The following DLG2 variants were observed in gnomAD, a reference collection of about 807,000 sequenced individuals.
DLG2 encodes the protein discs large MAGUK scaffold protein 2, also known as disks large homolog 2.
A neutral mutation model predicts 132.5 loss-of-function variants in DLG2; 45 were observed. The observed-to-expected ratio is 0.34, with a 90% CI of 0.27 to 0.44. The LOEUF (loss-of-function observed/expected upper bound fraction) is 0.44. Among genes scored for constraint, DLG2 ranks in the 20% least tolerant of loss-of-function variants. The pLI, the probability that DLG2 is intolerant of heterozygous loss-of-function variation, is 1.00. For missense variants in DLG2, 1,045 were observed against 1,196.9 expected (o/e 0.87, Z 1.87); for synonymous variants, 424 against 419.6 (o/e 1.01, Z -0.13).
At chr11:84,974,730 C>T (rs150696070) in intron 6 of DLG2, among the ~76,000 whole-genome samples, 183 of 152,326 alleles carry the variant, frequency 1.2e-3, no homozygotes, top group African/African-American at 4.2e-3. Context: ...GAAATACACT[C>T]TCCAGTCCCA....
chr11:85,424,513 T>G (rs76048033), intron 3 of DLG2, among the ~76,000 whole-genome samples: 1 of 152,168 alleles, frequency 6.6e-6, no homozygotes, highest in Non-Finnish European at 1.5e-5. Flanking sequence ...CCTACTGATA[T>G]CCAGTTAGCA....
intron 9 of DLG2, among the ~76,000 whole-genome samples, chr11:84,115,616 T>C (rs1039483261): frequency 6.6e-6 from 1 of 152,230 alleles, no homozygotes; most frequent in Non-Finnish European, 1.5e-5. Flanking sequence ...AGTTTATTTC[T>C]ATCTTGGAGA....
chr11:85,462,401 C>T (rs1436091963), intron 3 of DLG2, among the ~76,000 whole-genome samples: 2 of 152,168 alleles, frequency 1.3e-5, no homozygotes, highest in African/African-American at 4.8e-5. Flanking sequence ...GGAACCAACC[C>T]ATATGTCCGA....
At chr11:84,129,555 T>C (rs1021296661) in intron 9 of DLG2, among the ~76,000 whole-genome samples, 12 of 152,118 alleles carry the variant, frequency 7.9e-5, no homozygotes, top group African/African-American at 2.9e-4. Flanking sequence ...CCTGTCATCT[T>C]GCCTCAAAAC....
At chr11:85,587,861 G>C (rs542492171) in intron 3 of DLG2, among the ~76,000 whole-genome samples, 1 of 152,076 alleles carries the variant, frequency 6.6e-6, no homozygotes, top group African/African-American at 2.4e-5. Flanking sequence ...TTTAGATCTC[G>C]TTTTAGCATT....
At chr11:83,539,982 C>T (rs943792915) in intron 20 of DLG2, among the ~76,000 whole-genome samples, 2 of 152,114 alleles carry the variant, frequency 1.3e-5, no homozygotes, top group Non-Finnish European at 2.9e-5. Flanking sequence ...TATAGTTCAA[C>T]CCCTGTATCC....
At chr11:83,525,365 A>G (rs991109305) in intron 21 of DLG2, among the ~76,000 whole-genome samples, 3 of 152,198 alleles carry the variant, frequency 2.0e-5, no homozygotes, top group African/African-American at 7.2e-5. Context: ...TGATTATCAC[A>G]TTCAAAAGAA....
chr11:85,587,858 C>A (rs2079069350), intron 3 of DLG2, among the ~76,000 whole-genome samples: 2 of 152,120 alleles, frequency 1.3e-5, no homozygotes, highest in South Asian at 4.1e-4. Context: ...GGATTTAGAT[C>A]TCGTTTTAGC....
At chr11:85,208,515 C>A (rs901211320) in intron 4 of DLG2, among the ~76,000 whole-genome samples, 2 of 151,976 alleles carry the variant, frequency 1.3e-5, no homozygotes, top group Non-Finnish European at 2.9e-5. Context: ...TGTAACTAAG[C>A]ATTTTAGAAC....
chr11:84,918,861 T>A (rs2092623264), intron 6 of DLG2, among the ~76,000 whole-genome samples: 1 of 152,096 alleles, frequency 6.6e-6, no homozygotes, highest in Admixed American at 6.5e-5. Context: ...GCTGAGTGAA[T>A]AAAAAAGAAA....
At chr11:83,528,625 G>C (rs1418904704) in intron 21 of DLG2, among the ~76,000 whole-genome samples, 2 of 152,112 alleles carry the variant, frequency 1.3e-5, no homozygotes, top group African/African-American at 2.4e-5. Flanking sequence ...ATCATGTATA[G>C]TGTAGAGTAA....
chr11:83,929,218 C>T (rs1267445943), intron 15 of DLG2, among the ~76,000 whole-genome samples: 1 of 152,116 alleles, frequency 6.6e-6, no homozygotes, highest in Non-Finnish European at 1.5e-5. Context: ...CTTATTCTTT[C>T]AAAGTATCAA....
chr11:84,471,469 T>G (rs117244361), intron 7 of DLG2, among the ~76,000 whole-genome samples: 1,994 of 151,970 alleles, frequency 0.013, 26 homozygotes, highest in South Asian at 0.038. Context: ...GGGTTCTTTC[T>G]GTTCTGGTCT....
chr11:84,575,079 G>A (rs1238226468), intron 6 of DLG2, among the ~76,000 whole-genome samples: 1 of 152,092 alleles, frequency 6.6e-6, no homozygotes, highest in African/African-American at 2.4e-5. Context: ...CTCTAAGCTG[G>A]ATTCCTTTAA....
chr11:83,661,288 T>C (rs945425003), intron 18 of DLG2, among the ~76,000 whole-genome samples: 1 of 152,172 alleles, frequency 6.6e-6, no homozygotes, highest in African/African-American at 2.4e-5. Context: ...GAGAATATAA[T>C]TATTATTCAG....
At chr11:84,251,348 T>C in intron 7 of DLG2, 57 bp from the exon 8 acceptor site, 4 of 1,296,276 alleles carry the variant, frequency 3.1e-6, no homozygotes, top group Non-Finnish European at 4.2e-6. Context: ...TGAGACAGAT[T>C]ATTTCTGTTA....
chr11:85,115,559 G>A (rs1286530298), intron 5 of DLG2, among the ~76,000 whole-genome samples: 1 of 151,910 alleles, frequency 6.6e-6, no homozygotes, highest in Admixed American at 6.6e-5. Context: ...CATTCTTGGG[G>A]CAGGAGTAAG....
chr11:83,994,816 T>C (rs1422144142), intron 11 of DLG2, among the ~76,000 whole-genome samples: 1 of 152,084 alleles, frequency 6.6e-6, no homozygotes, highest in Non-Finnish European at 1.5e-5. Flanking sequence ...CAGGGTTGAG[T>C]CCTCCTGAAA....
At chr11:85,479,145 G>A (rs1459344238) in intron 3 of DLG2, among the ~76,000 whole-genome samples, 1 of 152,140 alleles carries the variant, frequency 6.6e-6, no homozygotes, top group Non-Finnish European at 1.5e-5. Flanking sequence ...TATTTAACTA[G>A]TACATTTGTC....
Sources: gnomAD v4.1 joint callset for allele counts (sites outside exome capture counted in the v4.1 genomes callset) on GRCh38, gnomAD v4.1.1 for gene constraint, MANE v1.5 for transcripts, NCBI Gene and HGNC (gene_info 2026-07-23, HGNC 2026-07-21) for gene names.